The following RIT2 variants were observed in gnomAD, a reference collection of about 807,000 sequenced individuals.
The protein encoded by RIT2 is Ras like without CAAX 2.
In RIT2, 24 loss-of-function variants were observed where a neutral mutation model predicts 23.7. The observed-to-expected ratio is 1.01, with a 90% CI of 0.73 to 1.43. The LOEUF (loss-of-function observed/expected upper bound fraction) is 1.43, where lower values mean the gene tolerates loss of function less well. RIT2 is among the 40% of genes most tolerant of loss of function. The pLI, the probability that RIT2 is intolerant of heterozygous loss-of-function variation, is 0.00. For synonymous variants in RIT2, 107 were observed against 91.1 expected (o/e 1.17, Z -0.99); for missense variants, 236 against 266.9 (o/e 0.88, Z 0.81).
chr18:42,916,966 T>G (rs1361494087), intron 4 of RIT2, among the ~76,000 whole-genome samples: 1 of 152,096 alleles, frequency 6.6e-6, no homozygotes, highest in East Asian at 1.9e-4. Context: ...TAGCAAGATT[T>G]GCCTGTCAGT....
intron 1 of RIT2, among the ~76,000 whole-genome samples, chr18:43,102,418 C>T (rs1210411810): frequency 1.3e-5 from 2 of 149,748 alleles, no homozygotes; most frequent in African/African-American, 4.9e-5. Flanking sequence ...TTTCTTTTCT[C>T]CTCCTCACTC....
At chr18:43,030,586 A>T (rs1911830943) in intron 2 of RIT2, among the ~76,000 whole-genome samples, 1 of 151,900 alleles carries the variant, frequency 6.6e-6, no homozygotes, top group Non-Finnish European at 1.5e-5. Context: ...AGTTTTCAAG[A>T]TTTTTTTTGG....
chr18:42,958,465 T>A (rs753809212), intron 3 of RIT2, among the ~76,000 whole-genome samples: 105 of 152,004 alleles, frequency 6.9e-4, no homozygotes, highest in Non-Finnish European at 1.3e-3. Context: ...AGCCACAAAT[T>A]AGCTAATATG....
chr18:42,821,336 C>G (rs1276624233), intron 4 of RIT2, among the ~76,000 whole-genome samples: 2 of 152,042 alleles, frequency 1.3e-5, no homozygotes, highest in Non-Finnish European at 2.9e-5. Context: ...CTACCTTAAA[C>G]TGTGGCATCA....
intron 4 of RIT2, among the ~76,000 whole-genome samples, chr18:42,757,395 C>G (rs1170623763): frequency 6.6e-6 from 1 of 152,076 alleles, no homozygotes; most frequent in Non-Finnish European, 1.5e-5. Flanking sequence ...TTTGATGAAG[C>G]CTATAGGAAA....
At chr18:43,011,183 G>A (rs1039954298) in intron 2 of RIT2, among the ~76,000 whole-genome samples, 6 of 151,774 alleles carry the variant, frequency 4.0e-5, no homozygotes, top group Non-Finnish European at 5.9e-5. Flanking sequence ...ACAAAAGCAC[G>A]AGAATCCAGA....
At chr18:43,082,387 C>T (rs1913177720) in intron 1 of RIT2, among the ~76,000 whole-genome samples, 1 of 152,062 alleles carries the variant, frequency 6.6e-6, no homozygotes, top group Non-Finnish European at 1.5e-5. Context: ...ATGAGGCCAG[C>T]ATCATCCTGA....
intron 2 of RIT2, among the ~76,000 whole-genome samples, chr18:42,996,602 C>G (rs945568809): frequency 1.3e-5 from 2 of 152,020 alleles, no homozygotes; most frequent in East Asian, 3.9e-4. Flanking sequence ...TACTGAGCAC[C>G]TTGTGACCCC....
At chr18:43,014,152 G>C (rs1004658433) in intron 2 of RIT2, among the ~76,000 whole-genome samples, 9 of 151,730 alleles carry the variant, frequency 5.9e-5, no homozygotes, top group African/African-American at 2.2e-4. Flanking sequence ...GAGCTTATTT[G>C]TGAAGCAAAA....
intron 4 of RIT2, among the ~76,000 whole-genome samples, chr18:42,855,204 CT>C (rs1907150504): frequency 6.6e-6 from 1 of 152,090 alleles, no homozygotes; most frequent in South Asian, 2.1e-4. Flanking sequence ...TTTTTACGTT[CT>C]TGAGATAACA....
intron 4 of RIT2, among the ~76,000 whole-genome samples, chr18:42,758,631 A>G (rs1438637899): frequency 2.0e-5 from 3 of 151,780 alleles, no homozygotes; most frequent in East Asian, 3.9e-4. Context: ...CTCCTGCCTC[A>G]GCCTCTCAAG....
At chr18:42,980,854 T>C (rs1910583347) in intron 2 of RIT2, among the ~76,000 whole-genome samples, 1 of 152,154 alleles carries the variant, frequency 6.6e-6, no homozygotes, top group Non-Finnish European at 1.5e-5. Flanking sequence ...AGGAATATAC[T>C]GATCTTCTGA....
chr18:43,061,251 C>T (rs1212038802), intron 1 of RIT2, among the ~76,000 whole-genome samples: 1 of 152,084 alleles, frequency 6.6e-6, no homozygotes, highest in African/African-American at 2.4e-5. Flanking sequence ...ATTGATTTTA[C>T]AATTATTTTC....
At chr18:43,054,734 C>G (rs1245447176) in intron 1 of RIT2, among the ~76,000 whole-genome samples, 1 of 151,860 alleles carries the variant, frequency 6.6e-6, no homozygotes, top group Non-Finnish European at 1.5e-5. Context: ...TAAGGTGATT[C>G]GCCAAAAAAT....
intron 4 of RIT2, among the ~76,000 whole-genome samples, chr18:42,885,865 A>AT (rs1171887179): frequency 6.6e-6 from 1 of 152,158 alleles, no homozygotes; most frequent in East Asian, 1.9e-4. Flanking sequence ...TAATGCTCCC[A>AT]TTTTTTAATA....
At chr18:42,935,955 T>C (rs1180028901) in intron 3 of RIT2, among the ~76,000 whole-genome samples, 1 of 151,804 alleles carries the variant, frequency 6.6e-6, no homozygotes, top group African/African-American at 2.4e-5. Context: ...AGGAATGGCC[T>C]GCATTTGGCC....
At chr18:43,077,894 C>T (rs1913063093) in intron 1 of RIT2, among the ~76,000 whole-genome samples, 1 of 152,124 alleles carries the variant, frequency 6.6e-6, no homozygotes, top group Admixed American at 6.5e-5. Context: ...CTTCCATTTT[C>T]TGTGTAAAAT....
chr18:43,107,725 C>T (rs751549228), intron 1 of RIT2, among the ~76,000 whole-genome samples: 7 of 152,140 alleles, frequency 4.6e-5, no homozygotes, highest in Non-Finnish European at 8.8e-5. Context: ...TCTTTGGCAC[C>T]TCCATGCTAA....
chr18:43,092,008 T>G (rs2144361594), intron 1 of RIT2, among the ~76,000 whole-genome samples: 1 of 152,248 alleles, frequency 6.6e-6, no homozygotes, highest in South Asian at 2.1e-4. Context: ...TATATATTAT[T>G]TTATGGATAA....
Sources: gnomAD v4.1 joint callset for allele counts (sites outside exome capture counted in the v4.1 genomes callset) on GRCh38, gnomAD v4.1.1 for gene constraint, MANE v1.5 for transcripts, NCBI Gene and HGNC (gene_info 2026-07-23, HGNC 2026-07-21) for gene names.